The following SMYD3 variants were observed in gnomAD, a reference collection of about 807,000 sequenced individuals.
SMYD3 encodes SET and MYND domain containing 3, also known as histone-lysine N-methyltransferase SMYD3.
In SMYD3, 36 loss-of-function variants were observed where a neutral mutation model predicts 57.7. The observed-to-expected ratio is 0.62, with a 90% CI of 0.48 to 0.82. The LOEUF is 0.82. SMYD3 is among the 40% of genes least tolerant of loss of function. The probability of loss-of-function intolerance (pLI) is 0.00; values close to 1 mark genes in which losing one functional copy is unlikely to be tolerated. For missense variants in SMYD3, 515 were observed against 538.8 expected (o/e 0.96, Z 0.44); for synonymous variants, 211 against 195.0 (o/e 1.08, Z -0.68).
At chr1:246,007,214 C>T (rs1414619289) in intron 5 of SMYD3, among the ~76,000 whole-genome samples, 3 of 152,188 alleles carry the variant, frequency 2.0e-5, no homozygotes, top group African/African-American at 4.8e-5. Context: ...CTTCCCAATC[C>T]GTAGAAAGCA....
At chr1:246,057,046 C>G (rs2060164129) in intron 5 of SMYD3, among the ~76,000 whole-genome samples, 1 of 152,118 alleles carries the variant, frequency 6.6e-6, no homozygotes, top group African/African-American at 2.4e-5. Context: ...GCCTGTGGTC[C>G]CAGCTACTCC....
intron 5 of SMYD3, among the ~76,000 whole-genome samples, chr1:246,128,405 A>T (rs1388383181): frequency 6.6e-6 from 1 of 152,242 alleles, no homozygotes; most frequent in African/African-American, 2.4e-5. Flanking sequence ...TGTCTGGAAC[A>T]GGGTAAGTTA....
intron 5 of SMYD3, among the ~76,000 whole-genome samples, chr1:245,990,124 CA>C (rs2058785616): frequency 6.6e-6 from 1 of 152,138 alleles, no homozygotes; most frequent in Non-Finnish European, 1.5e-5. Flanking sequence ...AGCTGGAGTG[CA>C]GTGGTGTGAT....
intron 5 of SMYD3, among the ~76,000 whole-genome samples, chr1:246,251,129 A>G (rs1034622077): frequency 6.6e-6 from 1 of 152,210 alleles, no homozygotes; most frequent in African/African-American, 2.4e-5. Context: ...AAGAAAATGG[A>G]CAGACAGAAC....
At chr1:246,299,339 A>G (rs1298626361) in intron 5 of SMYD3, among the ~76,000 whole-genome samples, 2 of 152,132 alleles carry the variant, frequency 1.3e-5, no homozygotes, top group African/African-American at 4.8e-5. Context: ...AAAACTCAAA[A>G]AATAACATGT....
At chr1:245,930,018 C>A (rs552454296) in intron 5 of SMYD3, 81 bp from the exon 6 acceptor site, 62 of 1,224,752 alleles carry the variant, frequency 5.1e-5, no homozygotes, top group Non-Finnish European at 7.1e-5. Context: ...AACGTTCAAA[C>A]CCAAATGTAG....
intron 5 of SMYD3, among the ~76,000 whole-genome samples, chr1:246,196,634 T>C (rs2148346726): frequency 6.6e-6 from 1 of 152,332 alleles, no homozygotes; most frequent in African/African-American, 2.4e-5. Flanking sequence ...GTAACTACAA[T>C]ACAACATTCT....
intron 10 of SMYD3, among the ~76,000 whole-genome samples, chr1:245,778,823 A>C (rs112681500): frequency 6.6e-6 from 1 of 151,492 alleles, no homozygotes; most frequent in Admixed American, 6.6e-5. Context: ...AAAATGGAAA[A>C]ATTTCATCAA....
chr1:245,820,946 A>G (rs2049123486), intron 10 of SMYD3, among the ~76,000 whole-genome samples: 1 of 151,262 alleles, frequency 6.6e-6, no homozygotes, highest in Admixed American at 6.6e-5. Context: ...GGAAGAATCA[A>G]TATCGTGAAA....
At chr1:245,907,772 T>C (rs2054671217) in intron 8 of SMYD3, among the ~76,000 whole-genome samples, 1 of 152,114 alleles carries the variant, frequency 6.6e-6, no homozygotes, top group African/African-American at 2.4e-5. Flanking sequence ...TAGGTAGGAA[T>C]AACAACAACA....
chr1:246,213,802 T>C (rs185960966), intron 5 of SMYD3, among the ~76,000 whole-genome samples: 32 of 152,338 alleles, frequency 2.1e-4, no homozygotes, highest in Admixed American at 2.1e-3. Context: ...TAAACTTGCC[T>C]ATAAAGAACG....
chr1:245,792,943 G>A (rs906627168), intron 10 of SMYD3, among the ~76,000 whole-genome samples: 4 of 152,186 alleles, frequency 2.6e-5, no homozygotes, highest in Non-Finnish European at 5.9e-5. Context: ...TGTGCTGAAA[G>A]TAAGAATCTC....
chr1:246,280,801 C>T (rs1031055765), intron 5 of SMYD3, among the ~76,000 whole-genome samples: 1 of 152,148 alleles, frequency 6.6e-6, no homozygotes, highest in Admixed American at 6.6e-5. Context: ...CTGCATTTAT[C>T]AGATGCTTCA....
chr1:246,349,576 C>A (rs2065788024), intron 2 of SMYD3, among the ~76,000 whole-genome samples: 1 of 151,204 alleles, frequency 6.6e-6, no homozygotes, highest in South Asian at 2.1e-4. Flanking sequence ...CCACTGCACT[C>A]CAGCCTGGGT....
chr1:246,378,687 A>ATATATGTGTAT, intron 1 of SMYD3, among the ~76,000 whole-genome samples: 1 of 97,808 alleles, frequency 1.0e-5, no homozygotes, highest in Non-Finnish European at 2.1e-5. Flanking sequence ...ACATATATAT[A>ATATATGTGTAT]CTTAATAAAC....
chr1:246,440,985 C>T (rs1464571714), intron 1 of SMYD3, among the ~76,000 whole-genome samples: 2 of 152,156 alleles, frequency 1.3e-5, no homozygotes, highest in Admixed American at 6.5e-5. Context: ...GGGAATTACA[C>T]ACACCTGTTA....
In SMYD3 at chr1:245,850,593, C is replaced by T. The variant is rs548705639; in HGVS notation, c.1076+7903G>A. Among the ~76,000 whole-genome samples the T allele has an allele frequency of 2.0e-5, 3 of 152,122 alleles. No individual in the cohort carries two copies. In the East Asian group the frequency reaches 5.8e-4, roughly 29 times the overall value. ...TGCCTGTGGTCCCCCCTCATCTACT[C>T]GAGAGGCTGAGGTGGGAGGAACACT... On this transcript the variant is annotated intron_variant, in intron 10 of 11. Coordinates refer to ENST00000490107, the MANE Select transcript of SMYD3 (RefSeq NM_001167740.2).
chr1:245,880,850 C>G (rs990421872), intron 8 of SMYD3, among the ~76,000 whole-genome samples: 1 of 152,206 alleles, frequency 6.6e-6, no homozygotes, highest in Non-Finnish European at 1.5e-5. Flanking sequence ...AAAGAGGCAG[C>G]TTTTAGTTCA....
chr1:246,335,349 C>T lies in SMYD3; in HGVS notation c.336+18G>A, dbSNP rs766849998. On this transcript the variant is annotated intron_variant, in intron 3 of 11. Coordinates refer to ENST00000490107, the MANE Select transcript of SMYD3 (RefSeq NM_001167740.2). ...ATTTAACCAAAACCCAGCTATATTT[C>T]ATGAGTTTTATACTCACAAGTTTGA... The T allele has an allele frequency of 2.9e-5, 47 of 1,603,970 alleles. No homozygotes were observed. Among genetic ancestry groups the T allele is most frequent in the Non-Finnish European group, 3.9e-5 (46 of 1,171,314 alleles).
Sources: gnomAD v4.1 joint callset for allele counts (sites outside exome capture counted in the v4.1 genomes callset) on GRCh38, gnomAD v4.1.1 for gene constraint, MANE v1.5 for transcripts, NCBI Gene and HGNC (gene_info 2026-07-23, HGNC 2026-07-21) for gene names.